The following DOK6 variants were observed in gnomAD, a reference collection of about 807,000 sequenced individuals.
DOK6 encodes the protein docking protein 6.
In DOK6, 22 loss-of-function variants were observed where a neutral mutation model predicts 44.0. The observed-to-expected ratio is 0.50, with a 90% CI of 0.36 to 0.71. The LOEUF (loss-of-function observed/expected upper bound fraction) is 0.71. DOK6 is among the 30% of genes least tolerant of loss of function. The probability of loss-of-function intolerance (pLI) is 0.00; values close to 1 mark genes in which losing one functional copy is unlikely to be tolerated. For missense variants in DOK6, 340 were observed against 416.4 expected (o/e 0.82, Z 1.60); for synonymous variants, 166 against 145.5 (o/e 1.14, Z -1.01).
intron 1 of DOK6, among the ~76,000 whole-genome samples, chr18:69,548,254 C>CAT (rs1297353100): frequency 1.3e-5 from 2 of 151,154 alleles, no homozygotes; most frequent in Non-Finnish European, 3.0e-5. Flanking sequence ...CGCCTGCCCT[C>CAT]ATATATATAT....
chr18:69,783,720 A>C (rs1980346287), intron 7 of DOK6, among the ~76,000 whole-genome samples: 1 of 152,144 alleles, frequency 6.6e-6, no homozygotes, highest in Non-Finnish European at 1.5e-5. Context: ...ATATTTAAGC[A>C]CTTGATTTAT....
At chr18:69,643,509 C>T (rs72634410) in intron 3 of DOK6, among the ~76,000 whole-genome samples, 11,095 of 152,154 alleles carry the variant, frequency 0.073, 594 homozygotes, top group East Asian at 0.22. Context: ...TAAATTGACT[C>T]AGGTAGGATG....
intron 7 of DOK6, among the ~76,000 whole-genome samples, chr18:69,768,051 A>G (rs1239054757): frequency 6.6e-6 from 1 of 152,172 alleles, no homozygotes; most frequent in African/African-American, 2.4e-5. Context: ...ATTTTTCTCC[A>G]TCAAGCTTCC....
chr18:69,467,079 T>A (rs561886046), intron 1 of DOK6, among the ~76,000 whole-genome samples: 10 of 152,262 alleles, frequency 6.6e-5, no homozygotes, highest in African/African-American at 1.9e-4. Context: ...GTAAAATTTT[T>A]GTAAGGATCA....
At chr18:69,593,939 T>C (rs1276316157) in intron 2 of DOK6, among the ~76,000 whole-genome samples, 1 of 152,208 alleles carries the variant, frequency 6.6e-6, no homozygotes, top group Non-Finnish European at 1.5e-5. Flanking sequence ...TTTGTTCAGG[T>C]AAAATTAGTA....
intron 7 of DOK6, among the ~76,000 whole-genome samples, chr18:69,791,991 C>T (rs1276345469): frequency 3.8e-4 from 58 of 152,052 alleles, no homozygotes; most frequent in Non-Finnish European, 1.0e-4. Flanking sequence ...TTTCCCAGCA[C>T]CATTTATTGA....
intron 1 of DOK6, among the ~76,000 whole-genome samples, chr18:69,536,979 C>CATTATTATTATTATTATTATTATT (rs6146369): frequency 6.9e-6 from 1 of 144,860 alleles, no homozygotes; most frequent in Non-Finnish European, 1.5e-5. Flanking sequence ...GAAGATTTAT[C>CATTATTATTATTATTATTATTATT]ATTATTATTA....
At chr18:69,605,964 A>G (rs998155160) in intron 3 of DOK6, among the ~76,000 whole-genome samples, 1 of 152,108 alleles carries the variant, frequency 6.6e-6, no homozygotes, top group African/African-American at 2.4e-5. Context: ...TGAAGGCGAC[A>G]TGATTGTCTA....
chr18:69,429,195 C>T (rs1443965424), intron 1 of DOK6, among the ~76,000 whole-genome samples: 1 of 151,882 alleles, frequency 6.6e-6, no homozygotes, highest in Non-Finnish European at 1.5e-5. Flanking sequence ...TTCAGTTTAC[C>T]CCTGTGACTC....
intron 2 of DOK6, among the ~76,000 whole-genome samples, chr18:69,580,112 T>C (rs1983332751): frequency 6.6e-6 from 1 of 152,146 alleles, no homozygotes; most frequent in Non-Finnish European, 1.5e-5. Flanking sequence ...AAAATACCCA[T>C]TTTTTAGTTC....
At chr18:69,569,879 A>G (rs1255707218) in intron 2 of DOK6, among the ~76,000 whole-genome samples, 1 of 152,128 alleles carries the variant, frequency 6.6e-6, no homozygotes, top group African/African-American at 2.4e-5. Context: ...AAAAAAGAAC[A>G]AGATCATGTA....
intron 1 of DOK6, among the ~76,000 whole-genome samples, chr18:69,444,810 C>T (rs1345293353): frequency 2.0e-5 from 3 of 151,738 alleles, no homozygotes; most frequent in African/African-American, 7.3e-5. Context: ...TCCAAGTTTG[C>T]TTTAATTTAT....
intron 1 of DOK6, among the ~76,000 whole-genome samples, chr18:69,549,318 T>A (rs1982499353): frequency 6.6e-6 from 1 of 151,460 alleles, no homozygotes; most frequent in Non-Finnish European, 1.5e-5. Flanking sequence ...GCTGCCATAT[T>A]TAAAGGAAGT....
chr18:69,503,305 A>G (rs1981095814), intron 1 of DOK6, among the ~76,000 whole-genome samples: 1 of 152,232 alleles, frequency 6.6e-6, no homozygotes, highest in Non-Finnish European at 1.5e-5. Context: ...TCCAGTTGAC[A>G]TAGAGACCCA....
chr18:69,501,107 A>C (rs1001300312), intron 1 of DOK6, among the ~76,000 whole-genome samples: 1 of 152,168 alleles, frequency 6.6e-6, no homozygotes, highest in African/African-American at 2.4e-5. Flanking sequence ...TATGGTTAAT[A>C]GCATTCTCAT....
chr18:69,808,430 G>C (rs1306917078), intron 7 of DOK6, among the ~76,000 whole-genome samples: 1 of 100,894 alleles, frequency 9.9e-6, no homozygotes, highest in East Asian at 3.7e-4. Context: ...GAATAATAAA[G>C]ATCAGACTCA....
intron 1 of DOK6, among the ~76,000 whole-genome samples, chr18:69,429,617 A>G (rs1978740273): frequency 1.2e-5 from 1 of 83,420 alleles, no homozygotes; most frequent in Non-Finnish European, 2.4e-5. Context: ...ATATTGAGGG[A>G]TACATATATA....
intron 3 of DOK6, among the ~76,000 whole-genome samples, chr18:69,617,653 GA>G (rs1262364857): frequency 9.0e-6 from 1 of 110,538 alleles, no homozygotes; most frequent in East Asian, 2.5e-4. Flanking sequence ...GGAAGGAGGG[GA>G]AAAGAGCGAT....
intron 6 of DOK6, among the ~76,000 whole-genome samples, chr18:69,747,606 C>G (rs985653190): frequency 2.0e-5 from 3 of 151,158 alleles, no homozygotes; most frequent in East Asian, 3.9e-4. Flanking sequence ...CCCTCCCCCC[C>G]ACAGAAGATA....
Sources: allele counts gnomAD v4.1 joint callset (sites outside exome capture counted in the v4.1 genomes callset), GRCh38; gene constraint gnomAD v4.1.1; transcripts MANE v1.5; gene names NCBI Gene and HGNC (gene_info 2026-07-23, HGNC 2026-07-21).